The following FAM167A variants were observed in gnomAD, a reference collection of about 807,000 sequenced individuals.
FAM167A encodes family with sequence similarity 167 member A.
A neutral mutation model predicts 14.9 loss-of-function variants in FAM167A; 23 were observed. That is an observed-to-expected ratio of 1.55 (90% CI 1.11 to 2.19). The LOEUF (loss-of-function observed/expected upper bound fraction) is 2.19, where lower values mean the gene tolerates loss of function less well. FAM167A is among the 30% of genes most tolerant of loss of function. The probability of loss-of-function intolerance (pLI) is 0.00; values close to 1 mark genes in which losing one functional copy is unlikely to be tolerated. For synonymous variants in FAM167A, 174 were observed against 117.7 expected, an observed-to-expected ratio of 1.48 and a Z score of -3.10; for missense variants, 401 against 281.5, an observed-to-expected ratio of 1.42 and a Z score of -3.04.
chr8:11,452,309 C>T (rs899671370), intron 1 of FAM167A, among the ~76,000 whole-genome samples: 1 of 152,228 alleles, frequency 6.6e-6, no homozygotes, highest in African/African-American at 2.4e-5. Context: ...GCAGAAACGC[C>T]GCCCATGGTT....
At position 11,440,742 on chromosome 8, in the gene FAM167A, T is replaced by A. The variant is rs981063973; in HGVS notation, c.381+3289A>T. On this transcript the variant is annotated intron_variant, in intron 2 of 2. Coordinates refer to ENST00000284486, the MANE Select transcript of FAM167A (RefSeq NM_053279.3). ...GGCCACGTGAGAACAAACAACACAT[T>A]TGCACTTGAGCCTAACAAATCTGTA... Among the ~76,000 whole-genome samples the A allele has an allele frequency of 7.9e-5, 12 of 152,200 alleles. 1 individual carries two copies. In the East Asian group the frequency reaches 1.3e-3, roughly 17 times the overall value.
chr8:11,442,143 C>T (rs1042725469), intron 2 of FAM167A, among the ~76,000 whole-genome samples: 1 of 152,216 alleles, frequency 6.6e-6, no homozygotes, highest in East Asian at 1.9e-4. Context: ...CTACACATCA[C>T]CCACGGTTGT....
intron 1 of FAM167A, among the ~76,000 whole-genome samples, chr8:11,463,428 C>G (rs1392434539): frequency 6.6e-6 from 1 of 152,200 alleles, no homozygotes; most frequent in Non-Finnish European, 1.5e-5. Flanking sequence ...GGGTGGCCAC[C>G]ACCCTAAGCA....
intron 2 of FAM167A, among the ~76,000 whole-genome samples, chr8:11,440,096 TC>T (rs1489215092): frequency 6.6e-6 from 1 of 152,094 alleles, no homozygotes; most frequent in East Asian, 1.9e-4. Flanking sequence ...GCTGTGACCT[TC>T]TGGGGACCTG....
chr8:11,439,672 G>GA (rs34960895), intron 2 of FAM167A, among the ~76,000 whole-genome samples: 49,162 of 152,114 alleles, frequency 0.32, 8,964 homozygotes, highest in East Asian at 0.67. Flanking sequence ...GAAACTAGAA[G>GA]AAAAATATCA....
intron 2 of FAM167A, among the ~76,000 whole-genome samples, chr8:11,437,730 A>T (rs764734625): frequency 7.2e-5 from 11 of 152,132 alleles, no homozygotes; most frequent in Admixed American, 1.3e-4. Flanking sequence ...AGTAGTCACT[A>T]CCCCATACCG....
At position 11,424,077 on chromosome 8, in the gene FAM167A, C is replaced by A. The variant is rs947549133; in HGVS notation, c.*296G>T. 1 of 342,802 alleles carries A rather than the reference C, an allele frequency of 2.9e-6. No individual in the cohort carries two copies. The highest frequency in any genetic ancestry group is 5.4e-6 in the Non-Finnish European group (1 of 184,948). 21.2% of individuals were successfully genotyped at this position (342,802 alleles called of 1,614,324 possible). ...TGATTCCAGGAAACAGGAACGTGACCGTGGAGGGATGGATTATGGTGGGAA... is the reference window on the plus strand; with the variant it reads ...TGATTCCAGGAAACAGGAACGTGACAGTGGAGGGATGGATTATGGTGGGAA... On this transcript the variant is annotated 3_prime_UTR_variant, in exon 3 of 3. Coordinates refer to ENST00000284486, the MANE Select transcript of FAM167A (RefSeq NM_053279.3).
chr8:11,461,117 AT>A (rs781417266), intron 1 of FAM167A, among the ~76,000 whole-genome samples: 2 of 152,138 alleles, frequency 1.3e-5, no homozygotes, highest in Non-Finnish European at 2.9e-5. Flanking sequence ...CACAGATCTA[AT>A]TTATGGGCTC....
In FAM167A at chr8:11,444,915, G is replaced by A. The variant is rs540659102; in HGVS notation, c.-397-107C>T. ...AAACTGAGGCTCAGAGTGGACTGGT[G>A]GCTGCGCTTCTCATGGCTAGTCCGG... On this transcript the variant is annotated intron_variant, in intron 1 of 2. Coordinates refer to ENST00000284486, the MANE Select transcript of FAM167A (RefSeq NM_053279.3). The A allele has an allele frequency of 9.5e-5, 85 of 892,614 alleles. No individual in the cohort carries two copies. In the East Asian group the frequency reaches 2.8e-3, roughly 29 times the overall value. 55.3% of individuals were successfully genotyped at this position (892,614 alleles called of 1,614,324 possible). A position where few individuals can be genotyped will look rare whatever the true frequency, so the allele number is the denominator to read the frequency against.
intron 2 of FAM167A, among the ~76,000 whole-genome samples, chr8:11,433,573 C>T (rs1365683552): frequency 6.6e-6 from 1 of 152,106 alleles, no homozygotes; most frequent in East Asian, 1.9e-4. Context: ...GAGAGAAATC[C>T]CAGTGCACAG....
chr8:11,424,257 G>C lies in FAM167A; in HGVS notation c.*116C>G. Reference sequence around the variant, plus strand: ...AGGTCCTGGGGCCCTTGAGTCGCCAGTCCCAGGGACCCCTGCCTCCGGGAG... The same window carrying C: ...AGGTCCTGGGGCCCTTGAGTCGCCACTCCCAGGGACCCCTGCCTCCGGGAG... On this transcript the variant is annotated 3_prime_UTR_variant, in exon 3 of 3. Coordinates refer to ENST00000284486, the MANE Select transcript of FAM167A (RefSeq NM_053279.3). 1 of 1,427,394 alleles carries C rather than the reference G, an allele frequency of 7.0e-7. No individual in the cohort carries two copies. Among genetic ancestry groups the C allele is most frequent in the South Asian group, 1.3e-5 (1 of 75,452 alleles). 88.4% of individuals were successfully genotyped at this position (1,427,394 alleles called of 1,614,324 possible). A position where few individuals can be genotyped will look rare whatever the true frequency, so the allele number is the denominator to read the frequency against.
At chr8:11,464,350 G>T (rs974332246) in intron 1 of FAM167A, among the ~76,000 whole-genome samples, 4 of 152,120 alleles carry the variant, frequency 2.6e-5, no homozygotes, top group Admixed American at 6.5e-5. Context: ...CACGGCCCTC[G>T]GTGGCAGCTC....
intron 2 of FAM167A, among the ~76,000 whole-genome samples, chr8:11,442,270 G>C (rs1287606202): frequency 1.3e-5 from 2 of 152,126 alleles, no homozygotes; most frequent in Non-Finnish European, 2.9e-5. Flanking sequence ...CGAGGCCCAG[G>C]CTGCACATGA....
At chr8:11,454,068 G>A (rs560633711) in intron 1 of FAM167A, among the ~76,000 whole-genome samples, 1 of 152,206 alleles carries the variant, frequency 6.6e-6, no homozygotes, top group Admixed American at 6.5e-5. Context: ...TTTCTGGAAG[G>A]AAGAATTAGC....
chr8:11,465,494 G>A (rs2117158747), intron 1 of FAM167A, among the ~76,000 whole-genome samples: 1 of 152,268 alleles, frequency 6.6e-6, no homozygotes, highest in Admixed American at 6.5e-5. Flanking sequence ...GTAGTGCATG[G>A]TCCATAAATG....
intron 1 of FAM167A, among the ~76,000 whole-genome samples, chr8:11,461,013 C>G (rs1472768353): frequency 2.0e-5 from 3 of 152,252 alleles, no homozygotes; most frequent in African/African-American, 7.2e-5. Flanking sequence ...GGAAACCTTC[C>G]TTTTCATTTA....
At chr8:11,440,630 T>G (rs772946234) in intron 2 of FAM167A, among the ~76,000 whole-genome samples, 4 of 152,222 alleles carry the variant, frequency 2.6e-5, no homozygotes, top group Non-Finnish European at 5.9e-5. Context: ...GGTTAGAGTC[T>G]GCCTTCTCCT....
intron 2 of FAM167A, among the ~76,000 whole-genome samples, chr8:11,431,956 C>T (rs192544038): frequency 6.4e-4 from 96 of 149,810 alleles, no homozygotes; most frequent in Admixed American, 9.3e-4. Context: ...AGAGGCTGGC[C>T]GGGGTGACTC....
chr8:11,438,197 G>A (rs765061555), intron 2 of FAM167A: 19 of 451,784 alleles, frequency 4.2e-5, no homozygotes, highest in South Asian at 3.0e-4. Flanking sequence ...GAATCGCCAT[G>A]AGCTGCTATT....
Sources: allele counts gnomAD v4.1 joint callset (sites outside exome capture counted in the v4.1 genomes callset), GRCh38; gene constraint gnomAD v4.1.1; transcripts MANE v1.5; gene names NCBI Gene and HGNC (gene_info 2026-07-23, HGNC 2026-07-21).